The following GPCPD1 variants were observed in gnomAD, a reference collection of about 807,000 sequenced individuals.
The protein encoded by GPCPD1 is glycerophosphocholine phosphodiesterase 1, also known as glycerophosphocholine phosphodiesterase GPCPD1.
Under a neutral mutation model 89.2 loss-of-function variants are expected in GPCPD1, and 29 were observed. The observed-to-expected ratio is 0.33, with a 90% CI of 0.24 to 0.44. GPCPD1 has a LOEUF of 0.44. Among genes scored for constraint, GPCPD1 ranks in the 20% least tolerant of loss-of-function variants. The probability of loss-of-function intolerance (pLI) is 1.00; values close to 1 mark genes in which losing one functional copy is unlikely to be tolerated. For synonymous variants in GPCPD1, 258 were observed against 266.3 expected, an observed-to-expected ratio of 0.97 and a Z score of 0.30; for missense variants, 594 against 808.9, an observed-to-expected ratio of 0.73 and a Z score of 3.22.
intron 4 of GPCPD1, among the ~76,000 whole-genome samples, chr20:5,588,066 T>C (rs1692663255): frequency 6.6e-6 from 1 of 152,224 alleles, no homozygotes; most frequent in Non-Finnish European, 1.5e-5. Flanking sequence ...TAATGTGAAA[T>C]TGCTCTTTTA....
intron 6 of GPCPD1, among the ~76,000 whole-genome samples, chr20:5,580,692 C>G (rs1374900670): frequency 6.8e-6 from 1 of 147,872 alleles, no homozygotes; most frequent in Non-Finnish European, 1.5e-5. Context: ...CACCACTGCA[C>G]TCCAGCCTGG....
In GPCPD1 at chr20:5,570,762, AACAG is replaced by A. The variant is rs1158029304; in HGVS notation, c.1057-527_1057-524del. Reference sequence around the variant, plus strand: ...AAAGAGGAAGCCATAACTGCTGATGAACAGACAGAGACAACAGAAACAGGAAAAA... The same window carrying A: ...AAAGAGGAAGCCATAACTGCTGATGAACAGAGACAACAGAAACAGGAAAAA... On this transcript the variant is annotated intron_variant, in intron 11 of 19. Coordinates refer to ENST00000379019, the MANE Select transcript of GPCPD1 (RefSeq NM_019593.5). Among the ~76,000 whole-genome samples the A allele has an allele frequency of 2.0e-5, 3 of 152,230 alleles. No homozygotes were observed. The South Asian group carries it at 6.2e-4, about 31-fold the overall frequency.
Position 5,577,483 on chromosome 20 carries a change from C to T in GPCPD1, c.705+897G>A, listed in dbSNP as rs372010093. On this transcript the variant is annotated intron_variant, in intron 8 of 19. Transcript: ENST00000379019. The stretch of plus-strand genomic sequence containing the variant: ...AGACTGCGCAACAGAGCAAGACCCT[C>T]TCTCCAGAAAAAAAAAAAAAAGGAA... Among the ~76,000 whole-genome samples the T allele has an allele frequency of 2.1e-3, 299 of 145,180 alleles. 3 individuals are homozygous for T. The highest frequency in any genetic ancestry group is 0.016 in the South Asian group (72 of 4,580).
intron 1 of GPCPD1, among the ~76,000 whole-genome samples, chr20:5,608,395 G>A (rs1980736130): frequency 6.6e-6 from 1 of 152,038 alleles, no homozygotes; most frequent in Admixed American, 6.6e-5. Flanking sequence ...TCCACCCTGA[G>A]CGCCCCCCTC....
intron 3 of GPCPD1, among the ~76,000 whole-genome samples, chr20:5,594,599 G>A (rs1979579319): frequency 1.3e-5 from 2 of 152,036 alleles, no homozygotes; most frequent in South Asian, 4.1e-4. Flanking sequence ...GCCGCCTCCA[G>A]GTAACTTTTA....
chr20:5,553,445 C>T (rs1943769230), intron 19 of GPCPD1, among the ~76,000 whole-genome samples: 1 of 152,028 alleles, frequency 6.6e-6, no homozygotes, highest in Non-Finnish European at 1.5e-5. Flanking sequence ...CCTAAGTGCT[C>T]AGGTGAAAGA....
chr20:5,563,622 C>T (rs1412388244), intron 15 of GPCPD1, among the ~76,000 whole-genome samples: 1 of 152,066 alleles, frequency 6.6e-6, no homozygotes, highest in Non-Finnish European at 1.5e-5. Context: ...TGTCTGCCTG[C>T]CCTGGCCTCC....
At chr20:5,593,447 TATC>T in intron 3 of GPCPD1, 36 bp from the exon 4 acceptor site, 1 of 1,083,240 alleles carries the variant, frequency 9.2e-7, no homozygotes, top group Non-Finnish European at 1.4e-6. Context: ...GCAGCATCAA[TATC>T]AAACTACAGT....
At chr20:5,575,668 AC>A in intron 9 of GPCPD1, 123 bp from the exon 10 acceptor site, 1 of 904,500 alleles carries the variant, frequency 1.1e-6, no homozygotes, top group Non-Finnish European at 1.7e-6. Flanking sequence ...GGAAAAAAAA[AC>A]AAGATTCAAA....
At position 5,556,923 on chromosome 20, in the gene GPCPD1, A is replaced by G. The variant is rs562078462; in HGVS notation, c.1829+1022T>C. On this transcript the variant is annotated intron_variant, in intron 19 of 19. Coordinates refer to ENST00000379019, the MANE Select transcript of GPCPD1 (RefSeq NM_019593.5). The stretch of plus-strand genomic sequence containing the variant: ...AAAAACAAGTAAAATGTAACACAGA[A>G]TATGTGGTGTGTCAGATGATGATAA... Among the ~76,000 whole-genome samples, 160 of 152,350 alleles carry G rather than the reference A, an allele frequency of 1.1e-3. 1 individual carries two copies. Among genetic ancestry groups the G allele is most frequent in the African/African-American group, 3.6e-3 (151 of 41,580 alleles).
rs376801793 is a variant in GPCPD1, at chr20:5,561,793, T to C, written c.1330-263A>G. 1.2e-4 allele frequency among the ~76,000 whole-genome samples: 18 copies of C among 152,326 alleles called. No individual in the cohort carries two copies. In the East Asian group the frequency reaches 2.1e-3, roughly 18 times the overall value. Reference sequence around the variant, plus strand: ...CTGTGATAACTGACAAACACAAAGATGGTCCTTAACCTCAAATCCTTTTCG... The same window carrying C: ...CTGTGATAACTGACAAACACAAAGACGGTCCTTAACCTCAAATCCTTTTCG... On this transcript the variant is annotated intron_variant, in intron 15 of 19. Coordinates refer to ENST00000379019, the MANE Select transcript of GPCPD1 (RefSeq NM_019593.5).
At chr20:5,565,527 C>T (rs536218778) in intron 14 of GPCPD1, among the ~76,000 whole-genome samples, 14 of 152,172 alleles carry the variant, frequency 9.2e-5, no homozygotes, top group Middle Eastern at 3.4e-3. Flanking sequence ...CCGTGTCCAG[C>T]CCCTATATAT....
intron 7 of GPCPD1, among the ~76,000 whole-genome samples, chr20:5,578,894 T>C (rs1000556405): frequency 6.6e-6 from 1 of 151,918 alleles, no homozygotes; most frequent in Admixed American, 6.5e-5. Context: ...TAAAAAAAAA[T>C]AAATAAATCT....
intron 19 of GPCPD1, among the ~76,000 whole-genome samples, chr20:5,552,920 C>A (rs1021385971): frequency 6.6e-6 from 1 of 152,244 alleles, no homozygotes; most frequent in Non-Finnish European, 1.5e-5. Flanking sequence ...ATCACTTACT[C>A]TTTGTGTAAC....
chr20:5,553,243 CT>C (rs780546550), intron 19 of GPCPD1, among the ~76,000 whole-genome samples: 15 of 152,144 alleles, frequency 9.9e-5, no homozygotes, highest in Non-Finnish European at 1.9e-4. Context: ...ATATGGTGAT[CT>C]ATGATTAGTG....
At chr20:5,559,191 ACT>A (rs887009712) in intron 17 of GPCPD1, among the ~76,000 whole-genome samples, 8 of 151,980 alleles carry the variant, frequency 5.3e-5, no homozygotes, top group Non-Finnish European at 7.4e-5. Context: ...ACAGAACAAG[ACT>A]CTGTCTCAAA....
intron 10 of GPCPD1, chr20:5,574,185 G>A (rs922966370): frequency 2.7e-5 from 15 of 551,018 alleles, no homozygotes; most frequent in African/African-American, 1.9e-4. Context: ...GCTGAATACC[G>A]ACATGGCCAA....
rs1600704993 is a variant in GPCPD1, at chr20:5,549,137, G to A, written c.1830-1287C>T. The A allele has an allele frequency of 2.3e-5, 15 of 649,468 alleles. No individual in the cohort carries two copies. In the East Asian group the frequency reaches 5.3e-4, roughly 23 times the overall value. The allele number at this position is 649,468 out of a possible 1,614,324, so 40.2% of individuals were successfully genotyped here. A position where few individuals can be genotyped will look rare whatever the true frequency, so the allele number is the denominator to read the frequency against. Reference sequence around the variant, plus strand: ...GGATGGTGTTGAGCCCATGTGGGAAGATGAGAAAAACAAACAGGGAGGATG... The same window carrying A: ...GGATGGTGTTGAGCCCATGTGGGAAAATGAGAAAAACAAACAGGGAGGATG... On this transcript the variant is annotated intron_variant, in intron 19 of 19. Transcript: ENST00000379019.
chr20:5,568,841 A>T (rs1986546762), intron 12 of GPCPD1, among the ~76,000 whole-genome samples: 1 of 152,162 alleles, frequency 6.6e-6, no homozygotes, highest in South Asian at 2.1e-4. Flanking sequence ...TGAACCCAGG[A>T]GGTGGAGGTT....
Sources: allele counts gnomAD v4.1 joint callset (sites outside exome capture counted in the v4.1 genomes callset), GRCh38; gene constraint gnomAD v4.1.1; transcripts MANE v1.5; gene names NCBI Gene and HGNC (gene_info 2026-07-23, HGNC 2026-07-21).